ZFAT: variants seen among roughly 807,000 people sequenced by gnomAD.
ZFAT encodes zinc finger and AT-hook domain containing.
ZFAT carries 64 observed loss-of-function variants against 117.7 expected under a neutral mutation model. The observed-to-expected ratio is 0.54, with a 90% CI of 0.44 to 0.67. ZFAT has a LOEUF of 0.67. Ranked by LOEUF, ZFAT falls within the 30% of genes least tolerant of loss-of-function variation. The pLI, the probability that ZFAT is intolerant of heterozygous loss-of-function variation, is 0.00. For synonymous variants in ZFAT, 679 were observed against 615.0 expected (o/e 1.10, Z -1.54); for missense variants, 1,433 against 1,584.5 (o/e 0.90, Z 1.62).
intron 10 of ZFAT, among the ~76,000 whole-genome samples, chr8:134,581,910 G>C (rs6577657): frequency 0.79 from 119,754 of 152,210 alleles, 47,527 homozygotes; most frequent in East Asian, 0.91. Flanking sequence ...TCTTACCAGA[G>C]AACTGAAAAG....
chr8:134,787,742 C>T, the ZFAT span, among the ~76,000 whole-genome samples: 1 of 151,704 alleles, frequency 6.6e-6, no homozygotes. Context: ...ATTGAAGTTA[C>T]AGATTAATTT....
chr8:134,541,429 G>C (rs1450027329), intron 11 of ZFAT, among the ~76,000 whole-genome samples: 1 of 152,138 alleles, frequency 6.6e-6, no homozygotes, highest in African/African-American at 2.4e-5. Flanking sequence ...CCAGCAAGAA[G>C]GCTCTCAAAC....
chr8:134,641,146 T>C (rs1032300950), intron 2 of ZFAT, among the ~76,000 whole-genome samples: 7 of 152,134 alleles, frequency 4.6e-5, no homozygotes, highest in African/African-American at 1.4e-4. Context: ...GAACCTTCCA[T>C]TGTTCTGGAT....
the ZFAT span, among the ~76,000 whole-genome samples, chr8:134,739,761 A>G: frequency 6.6e-6 from 1 of 152,252 alleles, no homozygotes; most frequent in Admixed American, 6.5e-5. Flanking sequence ...GTCTGATGGG[A>G]CTACAGATGG....
intron 11 of ZFAT, among the ~76,000 whole-genome samples, chr8:134,548,520 G>C (rs925629910): frequency 6.6e-6 from 1 of 152,208 alleles, no homozygotes; most frequent in Non-Finnish European, 1.5e-5. Context: ...TTAACTCTGA[G>C]TGTGACCAGA....
At chr8:134,708,984 CTT>C (rs1244112034) in intron 1 of ZFAT, among the ~76,000 whole-genome samples, 1 of 151,952 alleles carries the variant, frequency 6.6e-6, no homozygotes, top group Non-Finnish European at 1.5e-5. Flanking sequence ...TTAAAAATGA[CTT>C]ATTTAAAAAA....
At chr8:134,610,682 A>C (rs1293920615) in intron 3 of ZFAT, 27 bp from the exon 4 acceptor site, 1 of 1,611,256 alleles carries the variant, frequency 6.2e-7, no homozygotes, top group African/African-American at 1.3e-5. Context: ...AAGATGCATA[A>C]GGTATCCTTT....
chr8:134,573,463 T>C (rs1224368227), intron 10 of ZFAT, among the ~76,000 whole-genome samples: 1 of 152,170 alleles, frequency 6.6e-6, no homozygotes, highest in East Asian at 1.9e-4. Context: ...ATGTTGCTGG[T>C]GGAGGGAAAG....
In ZFAT at chr8:134,601,689, T is replaced by C; in HGVS notation, c.2030A>G (p.Asn677Ser). ...GAGGAGGTCTGAGGCCTCAGCTGGGTTTGACCTGAGACACCTGCTGGGATC... is the reference window on the plus strand; with the variant it reads ...GAGGAGGTCTGAGGCCTCAGCTGGGCTTGACCTGAGACACCTGCTGGGATC... ...DPDPSRCLRS[N>S]PAEASDLLPP... Residue 677 changes from asparagine (N) to serine (S), a missense_variant, in exon 6 of 16, where the codon AAC becomes AGC. Asn to Ser is a conservative substitution (Grantham distance 46, BLOSUM62 1). This residue lies in a region of ZFAT where 372 missense variants were observed against 355.6 expected (regional missense o/e 1.05). Coordinates refer to ENST00000377838, the MANE Select transcript of ZFAT (RefSeq NM_020863.4). The C allele has an allele frequency of 6.2e-7, 1 of 1,613,758 alleles. No individual in the cohort carries two copies. The highest frequency in any genetic ancestry group is 8.5e-7 in the Non-Finnish European group (1 of 1,179,798).
the ZFAT span, among the ~76,000 whole-genome samples, chr8:134,779,414 C>G: frequency 6.6e-6 from 1 of 151,652 alleles, no homozygotes; most frequent in East Asian, 1.9e-4. Flanking sequence ...GATGCAGAAA[C>G]GTACTTATTT....
At chr8:134,651,387 G>T (rs1355822646) in intron 2 of ZFAT, among the ~76,000 whole-genome samples, 2 of 152,242 alleles carry the variant, frequency 1.3e-5, no homozygotes, top group East Asian at 1.9e-4. Flanking sequence ...CTACAATATG[G>T]ATGAATCTTG....
In ZFAT at chr8:134,635,004, A is replaced by T. The variant is rs149433568; in HGVS notation, c.448+2457T>A. Among the ~76,000 whole-genome samples the T allele has an allele frequency of 5.2e-4, 79 of 152,326 alleles. 1 individual carries two copies. In the East Asian group the frequency reaches 0.015, roughly 29 times the overall value. ...TAGATCCCTGGCATGTGCAGTTTAC[A>T]ATAGGGCTCATGTTCCTATGAGAAG... On this transcript the variant is annotated intron_variant, in intron 3 of 15. Transcript: ENST00000377838.
the ZFAT span, among the ~76,000 whole-genome samples, chr8:134,824,101 CA>C: frequency 3.3e-5 from 5 of 152,338 alleles, no homozygotes; most frequent in South Asian, 1.0e-3. Context: ...GCCACGGTTA[CA>C]AAACAATGTA....
intron 5 of ZFAT, among the ~76,000 whole-genome samples, chr8:134,605,553 CAAAAAA>C (rs747188059): frequency 4.5e-5 from 4 of 89,626 alleles, no homozygotes; most frequent in African/African-American, 1.5e-4. Context: ...GACCCCATCT[CAAAAAA>C]AAAAAAAAAA....
the ZFAT span, among the ~76,000 whole-genome samples, chr8:134,735,896 T>TA: frequency 1.3e-5 from 2 of 151,848 alleles, no homozygotes; most frequent in East Asian, 1.9e-4. Flanking sequence ...TTTTAGAATT[T>TA]AAAAAAAAGG....
chr8:134,828,405 C>T, the ZFAT span, among the ~76,000 whole-genome samples: 1 of 152,172 alleles, frequency 6.6e-6, no homozygotes, highest in Non-Finnish European at 1.5e-5. Context: ...AAACAAAATA[C>T]TATTAAGCAT....
chr8:134,671,782 T>C (rs200336231), intron 1 of ZFAT, among the ~76,000 whole-genome samples: 43 of 152,180 alleles, frequency 2.8e-4, no homozygotes, highest in South Asian at 6.2e-4. Flanking sequence ...AGAAATAAAG[T>C]GTATTCAATT....
intron 13 of ZFAT, among the ~76,000 whole-genome samples, 156 bp downstream of exon 13, chr8:134,520,727 C>T (rs991122585): frequency 5.3e-5 from 8 of 152,186 alleles, no homozygotes; most frequent in African/African-American, 1.9e-4. Flanking sequence ...TTATACCCCT[C>T]AGACGCGAGA....
At chr8:134,706,716 C>T (rs1028789920) in intron 1 of ZFAT, among the ~76,000 whole-genome samples, 2 of 151,626 alleles carry the variant, frequency 1.3e-5, no homozygotes, top group Admixed American at 6.6e-5. Flanking sequence ...CAAAAAAAGA[C>T]TAGTGGTTGC....
Sources: allele counts gnomAD v4.1 joint callset (sites outside exome capture counted in the v4.1 genomes callset), GRCh38; gene constraint gnomAD v4.1.1; regional missense constraint gnomAD v4.1.1; transcripts MANE v1.5; gene names NCBI Gene and HGNC (gene_info 2026-07-23, HGNC 2026-07-21).